Variants in PSME4 observed in about 807,000 individuals in gnomAD.
The protein encoded by PSME4 is proteasome activator subunit 4.
In PSME4, 89 loss-of-function variants were observed where a neutral mutation model predicts 253.9. The ratio of observed to expected loss-of-function variants is 0.35; its 90% CI spans 0.30 to 0.42. PSME4 has a LOEUF of 0.42. Among genes scored for constraint, PSME4 ranks in the 10% least tolerant of loss-of-function variants. The probability of loss-of-function intolerance (pLI) is 1.00; values close to 1 mark genes in which losing one functional copy is unlikely to be tolerated. For missense variants in PSME4, 2,014 were observed against 2,195.2 expected, an observed-to-expected ratio of 0.92 and a Z score of 1.65; for synonymous variants, 851 against 759.2, an observed-to-expected ratio of 1.12 and a Z score of -1.99.
chr2:53,884,441 C>A (rs540505378), intron 41 of PSME4, among the ~76,000 whole-genome samples: 2 of 152,240 alleles, frequency 1.3e-5, no homozygotes, highest in Admixed American at 6.5e-5. Flanking sequence ...GATCTCTTGA[C>A]CTTGTGATCC....
At chr2:53,930,949 T>C (rs1326285253) in intron 10 of PSME4, among the ~76,000 whole-genome samples, 2 of 152,142 alleles carry the variant, frequency 1.3e-5, no homozygotes, top group East Asian at 1.9e-4. Context: ...CTTAAGTAAT[T>C]TGCTCTTGAA....
At chr2:53,935,419 G>C (rs149973137) in intron 7 of PSME4, among the ~76,000 whole-genome samples, 1 of 152,100 alleles carries the variant, frequency 6.6e-6, no homozygotes, top group Non-Finnish European at 1.5e-5. Flanking sequence ...TAATGTAAGT[G>C]TGTGCATCAG....
At chr2:53,945,811 G>C (rs1669673542) in intron 3 of PSME4, among the ~76,000 whole-genome samples, 1 of 152,192 alleles carries the variant, frequency 6.6e-6, no homozygotes, top group Non-Finnish European at 1.5e-5. Context: ...GTTTCAAAAT[G>C]TGGCAGAATA....
chr2:53,926,598 T>C (rs1412824986), intron 12 of PSME4, among the ~76,000 whole-genome samples: 1 of 152,160 alleles, frequency 6.6e-6, no homozygotes, highest in East Asian at 1.9e-4. Flanking sequence ...CAAGAACCAC[T>C]TGAACCCAGG....
At chr2:53,924,458 T>C (rs1352545717) in intron 14 of PSME4, among the ~76,000 whole-genome samples, 2 of 152,160 alleles carry the variant, frequency 1.3e-5, no homozygotes, top group East Asian at 3.8e-4. Flanking sequence ...TACCAACCAA[T>C]ATTGAATTAG....
chr2:53,872,038 G>C (rs961347595), intron 43 of PSME4, among the ~76,000 whole-genome samples: 2 of 152,060 alleles, frequency 1.3e-5, no homozygotes, highest in Non-Finnish European at 2.9e-5. Flanking sequence ...GGCGGGGATG[G>C]TAAATCTCTT....
chr2:53,952,809 C>T (rs1195896914), intron 1 of PSME4, among the ~76,000 whole-genome samples: 1 of 152,186 alleles, frequency 6.6e-6, no homozygotes, highest in Non-Finnish European at 1.5e-5. Flanking sequence ...AATGCCCAAT[C>T]GCCTGTCCAC....
chr2:53,919,645 G>T (rs946403272), intron 19 of PSME4, among the ~76,000 whole-genome samples: 1 of 152,146 alleles, frequency 6.6e-6, no homozygotes, highest in African/African-American at 2.4e-5. Flanking sequence ...GTACGACAGA[G>T]TTGATGTTAG....
intron 1 of PSME4, among the ~76,000 whole-genome samples, chr2:53,965,608 G>A (rs1266871280): frequency 2.0e-5 from 3 of 151,556 alleles, no homozygotes; most frequent in African/African-American, 7.3e-5. Context: ...TTTAATGAGT[G>A]GGGTTTTAAT....
chr2:53,879,956 A>G (rs1679304408), intron 41 of PSME4, among the ~76,000 whole-genome samples: 1 of 152,220 alleles, frequency 6.6e-6, no homozygotes, highest in Admixed American at 6.5e-5. Context: ...ATTGTGTTTT[A>G]AAAGGTTAAA....
chr2:53,901,654 T>C (rs777194379), intron 27 of PSME4, 95 bp from the exon 28 acceptor site: 322 of 936,946 alleles, frequency 3.4e-4, no homozygotes, highest in Non-Finnish European at 4.6e-4. Flanking sequence ...TAAATGAGTA[T>C]TGATTACTTA....
intron 44 of PSME4, among the ~76,000 whole-genome samples, chr2:53,867,189 T>A (rs113901175): frequency 6.6e-6 from 1 of 152,014 alleles, no homozygotes; most frequent in African/African-American, 2.4e-5. Flanking sequence ...TGAGAACCTG[T>A]CTCTCCAAAA....
At chr2:53,942,114 T>C (rs752636726) in intron 3 of PSME4, 1 of 152,596 alleles carries the variant, frequency 6.6e-6, no homozygotes, top group African/African-American at 2.4e-5. Flanking sequence ...GCCTGTACCA[T>C]TGGATTTATG....
Position 53,883,333 on chromosome 2 carries a change from C to A in PSME4, c.4815+2357G>T, listed in dbSNP as rs142426701. Among the ~76,000 whole-genome samples, 1,014 of 152,286 alleles carry A rather than the reference C, an allele frequency of 6.7e-3. 14 individuals carry two copies. The highest frequency in any genetic ancestry group is 0.024 in the African/African-American group (978 of 41,558). On this transcript the variant is annotated intron_variant, in intron 41 of 46. Coordinates refer to ENST00000404125, the MANE Select transcript of PSME4 (RefSeq NM_014614.3). ...TAGACAACATGAGACCCCATCTCTA[C>A]AAAAATTTTTGAGAAAATTAGCCAG...
intron 45 of PSME4, among the ~76,000 whole-genome samples, chr2:53,866,482 CACA>C (rs1457942659): frequency 3.3e-5 from 5 of 152,146 alleles, no homozygotes; most frequent in Non-Finnish European, 7.4e-5. Context: ...TAAAATTTAT[CACA>C]ACAATATTGA....
In PSME4 at chr2:53,901,420, A is replaced by G. The variant is rs752082794; in HGVS notation, c.3215T>C (p.Ile1072Thr). 3 of 1,614,170 alleles carry G rather than the reference A, an allele frequency of 1.9e-6. No individual in the cohort carries two copies. Among genetic ancestry groups the G allele is most frequent in the Non-Finnish European group, 2.5e-6 (3 of 1,180,002 alleles). The change falls in exon 28 of 47, where the codon ATA becomes ACA. Residue 1072 changes from isoleucine to threonine, a missense_variant. Ile to Thr is a moderately conservative substitution (Grantham distance 89). Around this residue, in one of 4 missense-constraint regions of PSME4, gnomAD observed 989 missense variants for 1,021.1 expected, o/e 0.97. Transcript: ENST00000404125. ...TGCAAGATCATCAAACAATCTCACT[A>G]TTGATGGCTTTTCCAGGGACATTGC... ...SQAMSLEKPS[I>T]VRLFDDLAEK...
intron 8 of PSME4, among the ~76,000 whole-genome samples, chr2:53,933,753 A>G (rs1264384509): frequency 3.9e-5 from 6 of 152,222 alleles, no homozygotes; most frequent in Non-Finnish European, 8.8e-5. Context: ...AAATTCACTC[A>G]CACAATAACT....
At position 53,940,958 on chromosome 2, in the gene PSME4, T is replaced by TAA. The variant is rs1553338447; in HGVS notation, c.501-959_501-958insTT. 8.9e-3 allele frequency among the ~76,000 whole-genome samples: 439 copies of TAA among 49,516 alleles called. 10 individuals are homozygous for TAA. The highest frequency in any genetic ancestry group is 0.021 in the African/African-American group (358 of 16,964). 32.5% of individuals were successfully genotyped at this position (49,516 alleles called of 152,430 possible). On this transcript the variant is annotated intron_variant, in intron 3 of 46. Transcript: ENST00000404125. ...ATATATAAATATATATATACATATA[T>TAA]ATATATATATATATATATATATATA... is the stretch of plus-strand genomic sequence containing the variant.
Position 53,961,234 on chromosome 2 carries a change from G to A in PSME4, c.242+9309C>T, listed in dbSNP as rs368141568. 7.9e-5 allele frequency among the ~76,000 whole-genome samples: 12 copies of A among 152,334 alleles called. No individual in the cohort carries two copies. In the South Asian group the frequency reaches 2.5e-3, roughly 32 times the overall value. On this transcript the variant is annotated intron_variant, in intron 1 of 46. Coordinates refer to ENST00000404125, the MANE Select transcript of PSME4 (RefSeq NM_014614.3). The stretch of plus-strand genomic sequence containing the variant: ...TCCAATAGAGGTCTCAATGAATGTA[G>A]AGGTTTTCTGTTGCTGTTGTTGTTT...
Sources: gnomAD v4.1 joint callset for allele counts (sites outside exome capture counted in the v4.1 genomes callset) on GRCh38, gnomAD v4.1.1 for gene constraint, gnomAD v4.1.1 regional missense constraint, MANE v1.5 for transcripts, NCBI Gene and HGNC (gene_info 2026-07-23, HGNC 2026-07-21) for gene names.